ZNF469: variants seen among roughly 807,000 people sequenced by gnomAD.
ZNF469 encodes the protein zinc finger protein 469.
ZNF469 carries 1 observed loss-of-function variant against 1.0 expected under a neutral mutation model. That is an observed-to-expected ratio of 1.00 (90% CI 0.35 to 4.73). The LOEUF (loss-of-function observed/expected upper bound fraction) is 4.73, where lower values mean the gene tolerates loss of function less well. Among genes scored for constraint, ZNF469 ranks in the 30% most tolerant of loss-of-function variants. The probability of loss-of-function intolerance (pLI) is 0.16; values close to 1 mark genes in which losing one functional copy is unlikely to be tolerated. For synonymous variants in ZNF469, 2,703 were observed against 2,363.4 expected, an observed-to-expected ratio of 1.14 and a Z score of -4.17; for missense variants, 6,100 against 5,356.3, an observed-to-expected ratio of 1.14 and a Z score of -4.33.
chr16:88,172,349 C>G, the ZNF469 span, among the ~76,000 whole-genome samples: 1 of 152,100 alleles, frequency 6.6e-6, no homozygotes, highest in Non-Finnish European at 1.5e-5. Context: ...TCCCACCAGC[C>G]AGGATGGAAA....
At chr16:88,323,285 G>A in the ZNF469 span, among the ~76,000 whole-genome samples, 5 of 152,140 alleles carry the variant, frequency 3.3e-5, no homozygotes, top group Admixed American at 6.5e-5. Context: ...CTGGGGACAC[G>A]TGTCCCAGGC....
the ZNF469 span, among the ~76,000 whole-genome samples, chr16:88,325,150 G>A: frequency 8.7e-6 from 1 of 115,512 alleles, no homozygotes; most frequent in African/African-American, 3.4e-5. Flanking sequence ...GGTCCCGACA[G>A]CAGCTGCGAC....
rs373777402 is a variant in ZNF469 at position 88,431,926 on chromosome 16, G to A, written c.4456G>A (p.Asp1486Asn). ...RDSGLPFACA[D>N]PPQKTVPSDP... is the part of the protein sequence containing the mutation. ...CTCCGGTCTGCCGTTCGCATGTGCC[G>A]ACCCTCCCCAGAAGACGGTGCCGTC... Residue 1486 changes from aspartate (D) to asparagine (N), a missense_variant, in exon 3 of 3, where the codon GAC (aspartate) becomes AAC (asparagine). By Grantham distance (23) the Asp-to-Asn change is conservative. Transcript: ENST00000565624. 467 of 1,549,412 alleles carry A rather than the reference G, an allele frequency of 3.0e-4. No individual in the cohort carries two copies. Among genetic ancestry groups the A allele is most frequent in the Admixed American group, 6.3e-4 (32 of 51,002 alleles).
chr16:88,141,994 G>A, the ZNF469 span, among the ~76,000 whole-genome samples: 1 of 152,246 alleles, frequency 6.6e-6, no homozygotes, highest in African/African-American at 2.4e-5. Flanking sequence ...TGTGACTGCA[G>A]CCGCAGGAGG....
chr16:88,427,948 G>A lies in ZNF469; in HGVS notation c.478G>A (p.Ala160Thr), dbSNP rs1905805952. The A allele has an allele frequency of 6.5e-7, 1 of 1,549,876 alleles. No individual in the cohort carries two copies. Among genetic ancestry groups the A allele is most frequent in the South Asian group, 1.2e-5 (1 of 84,070 alleles). ...VDTPQGPGTG[A>T]PLRPGLPRTE... is the part of the protein sequence containing the mutation. ...CACCCCCCAGGGCCCTGGGACTGGA[G>A]CTCCACTCAGGCCGGGCCTCCCAAG... The change falls in exon 3 of 3, where the codon GCT becomes ACT. Residue 160 changes from alanine to threonine, a missense_variant. Transcript: ENST00000565624.
At chr16:88,397,870 G>A (rs185205200) in intron 1 of ZNF469, among the ~76,000 whole-genome samples, 47 of 152,294 alleles carry the variant, frequency 3.1e-4, no homozygotes, top group Non-Finnish European at 5.1e-4. Context: ...AGTGACAGTC[G>A]AGGTCAAGAG....
chr16:88,272,555 T>C, the ZNF469 span, among the ~76,000 whole-genome samples: 3 of 151,384 alleles, frequency 2.0e-5, no homozygotes, highest in South Asian at 6.3e-4. Flanking sequence ...AACAGGTGGG[T>C]GTATGGAGAG....
the ZNF469 span, among the ~76,000 whole-genome samples, chr16:88,328,314 T>C: frequency 6.6e-6 from 1 of 152,240 alleles, no homozygotes; most frequent in South Asian, 2.1e-4. Context: ...CTGCTGACTG[T>C]GTGACCTTGG....
chr16:88,240,886 C>T, the ZNF469 span, among the ~76,000 whole-genome samples: 2 of 152,166 alleles, frequency 1.3e-5, no homozygotes, highest in African/African-American at 4.8e-5. Flanking sequence ...CCTGCACCGC[C>T]AGCCCTCTCT....
chr16:88,105,635 C>T, the ZNF469 span, among the ~76,000 whole-genome samples: 1 of 152,164 alleles, frequency 6.6e-6, no homozygotes, highest in South Asian at 2.1e-4. Flanking sequence ...CCCAGGGGGA[C>T]ACAGTGAACC....
chr16:88,106,047 C>A, the ZNF469 span, among the ~76,000 whole-genome samples: 1 of 152,222 alleles, frequency 6.6e-6, no homozygotes, highest in Non-Finnish European at 1.5e-5. Context: ...GGGTCAGCCA[C>A]CTCTGAGTAG....
the ZNF469 span, among the ~76,000 whole-genome samples, chr16:88,358,079 T>C: frequency 0.01 from 1,539 of 152,302 alleles, 29 homozygotes; most frequent in African/African-American, 0.034. Context: ...TCCAGCCTCC[T>C]TTCAGGGCAA....
chr16:88,352,074 G>T, the ZNF469 span, among the ~76,000 whole-genome samples: 3 of 152,184 alleles, frequency 2.0e-5, no homozygotes, highest in Non-Finnish European at 4.4e-5. Context: ...GGAACACCCG[G>T]AACAGGCACA....
the ZNF469 span, among the ~76,000 whole-genome samples, chr16:88,249,544 C>T: frequency 6.9e-6 from 1 of 145,918 alleles, no homozygotes; most frequent in Non-Finnish European, 1.5e-5. Context: ...TCACACCATT[C>T]TCCTGCCTCA....
the ZNF469 span, among the ~76,000 whole-genome samples, chr16:88,220,387 G>C: frequency 1.3e-5 from 2 of 152,328 alleles, no homozygotes; most frequent in African/African-American, 4.8e-5. Flanking sequence ...GATCTGCTGA[G>C]ATGATTTGTG....
chr16:88,241,203 A>G, the ZNF469 span, among the ~76,000 whole-genome samples: 1 of 152,110 alleles, frequency 6.6e-6, no homozygotes, highest in Non-Finnish European at 1.5e-5. The surrounding 1 kb of genome is among the most constrained non-coding windows in gnomAD (Gnocchi z 4.8). Context: ...CCCTGTCTCT[A>G]CTAAAATTAG....
the ZNF469 span, among the ~76,000 whole-genome samples, chr16:88,138,318 C>A: frequency 6.6e-6 from 1 of 152,216 alleles, no homozygotes; most frequent in Non-Finnish European, 1.5e-5. Context: ...CCCTCCCCTG[C>A]CCTCAGCCCA....
chr16:88,231,890 G>A, the ZNF469 span, among the ~76,000 whole-genome samples: 4 of 152,208 alleles, frequency 2.6e-5, no homozygotes, highest in African/African-American at 9.6e-5. This position sits in a 1 kb window ranked among gnomAD's most constrained non-coding sequence, Gnocchi z 4.5. Context: ...GGCCATTATT[G>A]AGCCAATAAC....
chr16:88,241,106 C>T, the ZNF469 span, among the ~76,000 whole-genome samples: 2 of 152,174 alleles, frequency 1.3e-5, no homozygotes, highest in South Asian at 2.1e-4. This position sits in a 1 kb window ranked among gnomAD's most constrained non-coding sequence, Gnocchi z 4.8. Flanking sequence ...CAGTGGCTCA[C>T]GCCTGTAATC....
Sources: gnomAD v4.1 joint callset for allele counts (sites outside exome capture counted in the v4.1 genomes callset) on GRCh38, gnomAD v4.1.1 for gene constraint, Gnocchi (gnomAD v3.1) non-coding constraint, MANE v1.5 for transcripts, NCBI Gene and HGNC (gene_info 2026-07-23, HGNC 2026-07-21) for gene names.